Variants in DNAAF1 observed in about 807,000 individuals in gnomAD.
The protein encoded by DNAAF1 is dynein axonemal assembly factor 1.
DNAAF1 carries 65 observed loss-of-function variants against 71.1 expected under a neutral mutation model. That is an observed-to-expected ratio of 0.91 (90% confidence interval 0.75 to 1.12). The LOEUF is 1.12. DNAAF1 is among the 50% of genes most tolerant of loss of function. DNAAF1 has a pLI of 0.00. For synonymous variants in DNAAF1, 414 were observed against 354.6 expected (o/e 1.17, Z -1.88); for missense variants, 1,178 against 899.8 (o/e 1.31, Z -3.96).
At position 84,166,037 on chromosome 16, in the gene DNAAF1, ATTTTTTTTTTTT is replaced by A. The variant is rs58906103; in HGVS notation, c.1030+104_1030+115del. 0.059 allele frequency: 63,442 copies of A among 1,069,060 alleles called. 185 individuals carry two copies. Among genetic ancestry groups the A allele is most frequent in the Admixed American group, 0.064 (2,702 of 42,300 alleles). The allele number at this position is 1,069,060 out of a possible 1,614,324, so 66.2% of individuals were successfully genotyped here. ...TCAAACCCAGTCTTTAATCTTGGGAATTTTTTTTTTTTTTTTTTTTTTTTTTTAGACAGAGTC... is the reference window on the plus strand; with the variant it reads ...TCAAACCCAGTCTTTAATCTTGGGAATTTTTTTTTTTTTTTAGACAGAGTC... On this transcript the variant is annotated intron_variant, in intron 7 of 11. Transcript: ENST00000378553.
At position 84,149,142 on chromosome 16, in the gene DNAAF1, G is replaced by A. The variant is rs2087063527; in HGVS notation, c.260G>A (p.Arg87Lys). 2 of 1,614,052 alleles carry A rather than the reference G, an allele frequency of 1.2e-6. No individual in the cohort carries two copies. The highest frequency in any genetic ancestry group is 4.5e-5 in the East Asian group (2 of 44,856). The change falls in exon 2 of 12, where the codon AGA (arginine) becomes AAA (lysine). Residue 87 changes from arginine to lysine, a missense_variant and splice_region_variant. Transcript: ENST00000378553. ...PREDREDRGP[R>K]MTKSSLQKLC... ...GAAGACAGGGAAGATCGGGGCCCCA[G>A]GTATGTGGGCATACTCCTAATTAGT... is the stretch of plus-strand genomic sequence containing the variant.
rs572437773 is a variant in DNAAF1 at position 84,173,082 on chromosome 16, G to A, written c.1644+707G>A. On this transcript the variant is annotated intron_variant, in intron 9 of 11. Coordinates refer to ENST00000378553, the MANE Select transcript of DNAAF1 (RefSeq NM_178452.6). The stretch of plus-strand genomic sequence containing the variant: ...ACCTCTGACCTTATACCTTGGAGAG[G>A]TGGTCCCCTGCCCACTTCCTTGTTA... The A allele has an allele frequency of 3.6e-4, 356 of 986,680 alleles. No homozygotes were observed. The African/African-American group carries it at 6.0e-3, about 17-fold the overall frequency. 61.1% of individuals were successfully genotyped at this position (986,680 alleles called of 1,614,324 possible). A position where few individuals can be genotyped will look rare whatever the true frequency, so the allele number is the denominator to read the frequency against.
chr16:84,154,623 T>C lies in DNAAF1; in HGVS notation c.399T>C (p.Cys133=), dbSNP rs1275037347. Reference sequence around the variant, plus strand: ...TGGAAGAGTACACAGGGCTGCGCTGTCTCTGGCTGCAGAGCAATGGAATAC... The same window carrying C: ...TGGAAGAGTACACAGGGCTGCGCTGCCTCTGGCTGCAGAGCAATGGAATAC... ...ENLEEYTGLR[C]LWLQSNGIQK... Residue 133 remains cysteine (C), a synonymous_variant, in exon 4 of 12, where the codon TGT becomes TGC. Transcript: ENST00000378553. 6.2e-7 allele frequency: 1 copy of C among 1,614,144 alleles called. No individual in the cohort carries two copies. Among genetic ancestry groups the C allele is most frequent in the East Asian group, 2.2e-5 (1 of 44,876 alleles).
chr16:84,167,338 C>G lies in DNAAF1; in HGVS notation c.1030+1389C>G, dbSNP rs1211680083. ...TCCAGTGTTCAGCAACTTGGAAGCT[C>G]TCTGAACCCCACAGTTTAGGGGGTT... On this transcript the variant is annotated intron_variant, in intron 7 of 11. Transcript: ENST00000378553. Among the ~76,000 whole-genome samples, 4 of 152,186 alleles carry G rather than the reference C, an allele frequency of 2.6e-5. No homozygotes were observed. The East Asian group carries it at 7.7e-4, about 29-fold the overall frequency.
intron 2 of DNAAF1, among the ~76,000 whole-genome samples, chr16:84,149,993 C>G (rs1284609482): frequency 1.3e-5 from 2 of 151,540 alleles, no homozygotes; most frequent in Non-Finnish European, 2.9e-5. Flanking sequence ...CCATTGCACT[C>G]CAGCCTGGGC....
rs2087320273 is a variant in DNAAF1, at chr16:84,154,501, G to A, written c.353-76G>A. 28 of 1,312,380 alleles carry A rather than the reference G, an allele frequency of 2.1e-5. No individual in the cohort carries two copies. In the South Asian group the frequency reaches 3.4e-4, roughly 16 times the overall value. The allele number at this position is 1,312,380 out of a possible 1,614,324, so 81.3% of individuals were successfully genotyped here. On this transcript the variant is annotated intron_variant, in intron 3 of 11. Coordinates refer to ENST00000378553, the MANE Select transcript of DNAAF1 (RefSeq NM_178452.6). ...CACAGACATTCAGTTCCTAATAGTA[G>A]GCAAAAACAAGGGTGACCGTGACCC...
chr16:84,172,487 G>C, intron 9 of DNAAF1, 112 bp downstream of exon 9: 1 of 1,523,088 alleles, frequency 6.6e-7, no homozygotes, highest in African/African-American at 1.4e-5. Flanking sequence ...TCCTTGGGCC[G>C]GCAGGCCTGG....
chr16:84,172,966 A>G (rs1363711019), intron 9 of DNAAF1: 4 of 1,002,470 alleles, frequency 4.0e-6, no homozygotes, highest in Non-Finnish European at 4.8e-6. Flanking sequence ...TTAGGCCCAC[A>G]AGAATGGTAC....
intron 9 of DNAAF1, chr16:84,173,423 C>T (rs189955211): frequency 2.2e-6 from 2 of 896,430 alleles, no homozygotes; most frequent in African/African-American, 1.8e-5. Context: ...GAGATCACGC[C>T]ACTGCACTCC....
At chr16:84,153,603 T>A (rs1344663835) in intron 3 of DNAAF1, among the ~76,000 whole-genome samples, 1 of 152,198 alleles carries the variant, frequency 6.6e-6, no homozygotes, top group African/African-American at 2.4e-5. Context: ...TTTATTTTGC[T>A]CACCATTGAT....
intron 6 of DNAAF1, among the ~76,000 whole-genome samples, chr16:84,162,831 A>G (rs1031492142): frequency 6.6e-6 from 1 of 151,982 alleles, no homozygotes; most frequent in Admixed American, 6.6e-5. Context: ...AAACAAAAAA[A>G]AAAGAAATAC....
chr16:84,159,534 C>A, intron 5 of DNAAF1, 141 bp from the exon 6 acceptor site: 2 of 1,189,412 alleles, frequency 1.7e-6, no homozygotes, highest in Non-Finnish European at 2.4e-6. Context: ...TTTCTCCCAT[C>A]AAGTCACCAG....
intron 7 of DNAAF1, among the ~76,000 whole-genome samples, chr16:84,169,019 C>T (rs116348584): frequency 0.035 from 5,316 of 149,832 alleles, 290 homozygotes; most frequent in African/African-American, 0.12. Context: ...CTTCCGTAGG[C>T]ATTTGGCTCC....
intron 9 of DNAAF1, chr16:84,172,858 C>T (rs747180223): frequency 1.4e-5 from 14 of 1,032,784 alleles, no homozygotes; most frequent in East Asian, 8.4e-5. Flanking sequence ...GGAGGTGTGA[C>T]GGTTCAGTGT....
chr16:84,176,027 T>G lies in DNAAF1; in HGVS notation c.1793T>G (p.Leu598Arg), dbSNP rs1204670760. 4 of 1,613,946 alleles carry G rather than the reference T, an allele frequency of 2.5e-6. No homozygotes were observed. The highest frequency in any genetic ancestry group is 4.5e-5 in the East Asian group (2 of 44,890). ...DYTSLPVLEN[L>R]PTDTLSNIFA... ...ACGTCACTCCCTGTGCTGGAAAACC[T>G]CCCCACAGACACTCTGTCAAATATA... Residue 598 changes from leucine (L) to arginine (R), a missense_variant, in exon 11 of 12, where the codon CTC becomes CGC. Leu to Arg is a moderately radical substitution (Grantham distance 102). Transcript: ENST00000378553.
intron 8 of DNAAF1, 94 bp from the exon 9 acceptor site, chr16:84,172,166 C>T (rs557788664): frequency 1.4e-4 from 174 of 1,220,436 alleles, no homozygotes; most frequent in Admixed American, 2.3e-4. Context: ...CATGAGCCAC[C>T]GAGCCCGGCC....
chr16:84,163,658 T>C (rs1189009615), intron 6 of DNAAF1, among the ~76,000 whole-genome samples: 2 of 151,972 alleles, frequency 1.3e-5, no homozygotes, highest in East Asian at 3.9e-4. Context: ...GGATTACAGG[T>C]GTGAGCCACC....
chr16:84,157,135 C>CT (rs1486472188), intron 5 of DNAAF1, among the ~76,000 whole-genome samples: 1 of 152,070 alleles, frequency 6.6e-6, no homozygotes, highest in Non-Finnish European at 1.5e-5. Context: ...TGAAACCTTT[C>CT]TTTTTTTCAG....
At chr16:84,155,932 C>T (rs575116499) in intron 5 of DNAAF1, among the ~76,000 whole-genome samples, 183 bp downstream of exon 5, 233 of 152,010 alleles carry the variant, frequency 1.5e-3, no homozygotes, top group African/African-American at 5.5e-3. Context: ...TTATTTTACC[C>T]ACAAATAGTT....
Sources: gnomAD v4.1 joint callset for allele counts (sites outside exome capture counted in the v4.1 genomes callset) on GRCh38, gnomAD v4.1.1 for gene constraint, MANE v1.5 for transcripts, NCBI Gene and HGNC (gene_info 2026-07-23, HGNC 2026-07-21) for gene names.